The following UGT1A10 variants were observed in gnomAD, a reference collection of about 807,000 sequenced individuals.
UGT1A10 encodes UDP-glucuronosyltransferase 1A10.
UGT1A10 carries 49 observed loss-of-function variants against 45.8 expected under a neutral mutation model. That is an observed-to-expected ratio of 1.07 (90% CI 0.85 to 1.36). The LOEUF (loss-of-function observed/expected upper bound fraction) is 1.36. Among genes scored for constraint, UGT1A10 ranks in the 40% most tolerant of loss-of-function variants. UGT1A10 has a pLI of 0.00. For missense variants in UGT1A10, 745 were observed against 668.6 expected, an observed-to-expected ratio of 1.11 and a Z score of -1.26; for synonymous variants, 284 against 249.7, an observed-to-expected ratio of 1.14 and a Z score of -1.29.
At chr2:233,721,302 G>C (rs541150498) in intron 1 of UGT1A10, among the ~76,000 whole-genome samples, 2 of 152,116 alleles carry the variant, frequency 1.3e-5, no homozygotes, top group African/African-American at 4.8e-5. Context: ...CATTTGAATA[G>C]TGATTGTGGC....
chr2:233,693,905 C>T, intron 1 of UGT1A10: 1 of 1,613,116 alleles, frequency 6.2e-7, no homozygotes, highest in Non-Finnish European at 8.5e-7. Context: ...TTGTTTCTTC[C>T]AGGCTCTGTC....
At chr2:233,693,280 A>G (rs1249048416) in intron 1 of UGT1A10, 4 of 1,614,160 alleles carry the variant, frequency 2.5e-6, no homozygotes, top group Non-Finnish European at 3.4e-6. Context: ...ACCGTTACCA[A>G]TCATTTGGAA....
At chr2:233,754,500 G>A (rs945598675) in intron 1 of UGT1A10, 52 of 356,130 alleles carry the variant, frequency 1.5e-4, no homozygotes, top group Admixed American at 3.0e-4. Flanking sequence ...AAAAAAGTCC[G>A]CTATTCCTCC....
chr2:233,682,650 C>G (rs1374491792), intron 1 of UGT1A10: 1 of 1,613,938 alleles, frequency 6.2e-7, no homozygotes, highest in Admixed American at 1.7e-5. Flanking sequence ...CTCCAAACCC[C>G]TGTCACGGCA....
intron 1 of UGT1A10, among the ~76,000 whole-genome samples, chr2:233,643,792 T>C (rs2073526153): frequency 6.6e-6 from 1 of 152,142 alleles, no homozygotes; most frequent in Non-Finnish European, 1.5e-5. Context: ...GGGCCCTTTC[T>C]TTTAAGGCAG....
rs200461003 is a variant in UGT1A10, at chr2:233,713,543, C to A, written c.856-53491C>A. ...TTCCATGTGATTTAGACTTTAAGGGCACACAGTGTCCAAACCCTTCCTCCT... is the reference window on the plus strand; with the variant it reads ...TTCCATGTGATTTAGACTTTAAGGGAACACAGTGTCCAAACCCTTCCTCCT... On this transcript the variant is annotated intron_variant, in intron 1 of 4. Coordinates refer to ENST00000344644, the MANE Select transcript of UGT1A10 (RefSeq NM_019075.4). 2.1e-4 allele frequency: 343 copies of A among 1,613,956 alleles called. 1 individual carries two copies. The highest frequency in any genetic ancestry group is 4.2e-6 in the Non-Finnish European group (5 of 1,179,872).
At chr2:233,746,445 G>GA (rs776336389) in intron 1 of UGT1A10, among the ~76,000 whole-genome samples, 23 of 151,700 alleles carry the variant, frequency 1.5e-4, no homozygotes, top group Non-Finnish European at 2.9e-4. Flanking sequence ...AGCTTAAAAA[G>GA]AAAGTACCTT....
chr2:233,705,070 A>G (rs1441909473), intron 1 of UGT1A10, among the ~76,000 whole-genome samples: 1 of 151,246 alleles, frequency 6.6e-6, no homozygotes. Flanking sequence ...CGGGAGGCGG[A>G]GGTTGCAGAG....
chr2:233,682,441 C>T (rs1271103616), intron 1 of UGT1A10: 7 of 1,613,824 alleles, frequency 4.3e-6, no homozygotes, highest in Non-Finnish European at 1.7e-6. Flanking sequence ...CTGTGGTCTT[C>T]GCCAGGGGAA....
rs144094855 is a variant in UGT1A10 at position 233,720,325 on chromosome 2, G to A, written c.856-46709G>A. On this transcript the variant is annotated intron_variant, in intron 1 of 4. Coordinates refer to ENST00000344644, the MANE Select transcript of UGT1A10 (RefSeq NM_019075.4). ...GTCTGGTGTATGATGTGGGGACATC[G>A]TAGAGTTTGGAAGGTATGGTGATGG... Among the ~76,000 whole-genome samples the A allele has an allele frequency of 7.7e-4, 117 of 152,214 alleles. 2 individuals are homozygous for A. The highest frequency in any genetic ancestry group is 2.4e-3 in the African/African-American group (101 of 41,542).
chr2:233,641,561 T>C (rs918013492), intron 1 of UGT1A10, among the ~76,000 whole-genome samples: 2 of 152,248 alleles, frequency 1.3e-5, no homozygotes, highest in Non-Finnish European at 2.9e-5. Context: ...TACAATGTTA[T>C]AATATTCTGT....
At chr2:233,672,568 A>T (rs758216635) in intron 1 of UGT1A10, 2 of 1,613,918 alleles carry the variant, frequency 1.2e-6, no homozygotes, top group South Asian at 2.2e-5. Context: ...GAACCACATC[A>T]TGCACTTGGA....
intron 1 of UGT1A10, chr2:233,721,746 A>C: frequency 2.3e-6 from 1 of 444,024 alleles, no homozygotes. Context: ...TGATGAGAGA[A>C]TCTACATCTA....
chr2:233,729,694 C>G, intron 1 of UGT1A10: 3 of 1,613,908 alleles, frequency 1.9e-6, no homozygotes, highest in Non-Finnish European at 2.5e-6. Flanking sequence ...GTGTCCAAAC[C>G]CTTCCTCCTA....
Position 233,709,056 on chromosome 2 carries a change from CTAGT to C in UGT1A10, c.856-57975_856-57972del, listed in dbSNP as rs375017824. On this transcript the variant is annotated intron_variant, in intron 1 of 4. Transcript: ENST00000344644. ...AGCCTGAGTTCTTTTCCCAGGATTC[CTAGT>C]TAAAGTTCTTCTGCCTCATTGGCTC... Among the ~76,000 whole-genome samples, 333 of 152,198 alleles carry C rather than the reference CTAGT, an allele frequency of 2.2e-3. 1 individual carries two copies. Among genetic ancestry groups the C allele is most frequent in the African/African-American group, 7.5e-3 (310 of 41,542 alleles).
intron 1 of UGT1A10, among the ~76,000 whole-genome samples, chr2:233,756,671 T>G (rs1269369831): frequency 6.6e-6 from 1 of 152,214 alleles, no homozygotes; most frequent in Admixed American, 6.5e-5. Flanking sequence ...TTATTTCCGC[T>G]AGAACTGCTA....
At chr2:233,690,705 G>A (rs563167001) in intron 1 of UGT1A10, 68 of 1,228,730 alleles carry the variant, frequency 5.5e-5, no homozygotes, top group African/African-American at 9.5e-5. Context: ...TTTAGGGATC[G>A]TCATTATGAC....
intron 1 of UGT1A10, among the ~76,000 whole-genome samples, chr2:233,749,028 G>T (rs564218690): frequency 1.3e-5 from 2 of 151,722 alleles, no homozygotes; most frequent in South Asian, 4.2e-4. Context: ...AATATTTGGG[G>T]TTCATTGATG....
intron 1 of UGT1A10, among the ~76,000 whole-genome samples, chr2:233,652,079 T>A (rs2073757094): frequency 6.6e-6 from 1 of 152,136 alleles, no homozygotes; most frequent in Non-Finnish European, 1.5e-5. Flanking sequence ...AGGAAGGAAT[T>A]CAGGATTACT....
Sources: allele counts gnomAD v4.1 joint callset (sites outside exome capture counted in the v4.1 genomes callset), GRCh38; gene constraint gnomAD v4.1.1; transcripts MANE v1.5; gene names NCBI Gene and HGNC (gene_info 2026-07-23, HGNC 2026-07-21).